RTN1: variants seen among roughly 807,000 people sequenced by gnomAD.
The protein encoded by RTN1 is reticulon 1, also known as reticulon-1.
In RTN1, 25 loss-of-function variants were observed where a neutral mutation model predicts 65.5. The ratio of observed to expected loss-of-function variants is 0.38; its 90% CI spans 0.28 to 0.53. The LOEUF (loss-of-function observed/expected upper bound fraction) is 0.53, where lower values mean the gene tolerates loss of function less well. RTN1 is among the 20% of genes least tolerant of loss of function. The pLI, the probability that RTN1 is intolerant of heterozygous loss-of-function variation, is 0.79. For missense variants in RTN1, 983 were observed against 1,025.4 expected, an observed-to-expected ratio of 0.96 and a Z score of 0.57; for synonymous variants, 471 against 447.6, an observed-to-expected ratio of 1.05 and a Z score of -0.66.
At position 59,836,699 on chromosome 14, in the gene RTN1, G is replaced by A. The variant is rs1028239278; in HGVS notation, c.241+33691C>T. On this transcript the variant is annotated intron_variant, in intron 1 of 8. Coordinates refer to ENST00000267484, the MANE Select transcript of RTN1 (RefSeq NM_021136.3). The surrounding 1 kb of genome is among the most constrained non-coding windows in gnomAD (Gnocchi z 4.9). ...GTTGGGGAGTAGTGAGAGAGAAGGC[G>A]GGAAACAGGGTCCTGAAGCCAGACT... Among the ~76,000 whole-genome samples the A allele has an allele frequency of 1.2e-4, 18 of 152,126 alleles. No individual in the cohort carries two copies. The highest frequency in any genetic ancestry group is 4.1e-4 in the African/African-American group (17 of 41,412).
intron 3 of RTN1, among the ~76,000 whole-genome samples, chr14:59,671,934 A>G (rs1261598270): frequency 2.6e-5 from 4 of 152,244 alleles, no homozygotes. Flanking sequence ...GCCTGATATT[A>G]TATTTCTGAC....
intron 3 of RTN1, among the ~76,000 whole-genome samples, chr14:59,712,850 A>C (rs1171859997): frequency 6.6e-6 from 1 of 151,094 alleles, no homozygotes; most frequent in Admixed American, 6.6e-5. Flanking sequence ...GGTGGAGGTT[A>C]CAGTGAGCTG....
At chr14:59,820,540 ACTTAAGT>A (rs975311862) in intron 1 of RTN1, among the ~76,000 whole-genome samples, 1 of 151,964 alleles carries the variant, frequency 6.6e-6, no homozygotes, top group Non-Finnish European at 1.5e-5. Flanking sequence ...TAGGTCTTAC[ACTTAAGT>A]CTTTAATTCA....
intron 3 of RTN1, among the ~76,000 whole-genome samples, chr14:59,635,341 G>T (rs1414522178): frequency 6.6e-6 from 1 of 152,094 alleles, no homozygotes; most frequent in African/African-American, 2.4e-5. Flanking sequence ...TAATCAATGA[G>T]AAAATTTACT....
intron 3 of RTN1, among the ~76,000 whole-genome samples, chr14:59,664,686 G>T (rs1453756931): frequency 6.6e-6 from 1 of 152,042 alleles, no homozygotes. Context: ...TCAACAGTTT[G>T]TTCCTTTTTA....
intron 1 of RTN1, among the ~76,000 whole-genome samples, chr14:59,828,598 A>T (rs1423551661): frequency 3.9e-5 from 6 of 152,202 alleles, no homozygotes; most frequent in Admixed American, 1.3e-4. Flanking sequence ...CCCCAAAACC[A>T]GATGTCAGTG....
rs113341432 is a variant in RTN1 at position 59,685,792 on chromosome 14, T to C, written c.1765+41127A>G. ...ATCCCTGTCAAAATACCAATGACCT[T>C]CTTCAAAGAAATAGAAAAAACAAAC... On this transcript the variant is annotated intron_variant, in intron 3 of 8. Transcript: ENST00000267484. Among the ~76,000 whole-genome samples the C allele has an allele frequency of 4.1e-3, 625 of 152,302 alleles. 4 individuals carry two copies. Among genetic ancestry groups the C allele is most frequent in the African/African-American group, 0.015 (607 of 41,570 alleles).
At chr14:59,635,015 T>C (rs1882632887) in intron 3 of RTN1, among the ~76,000 whole-genome samples, 1 of 152,198 alleles carries the variant, frequency 6.6e-6, no homozygotes, top group South Asian at 2.1e-4. Context: ...GAATAATTTA[T>C]CCAAATTTGC....
chr14:59,714,230 T>G (rs1884484835), intron 3 of RTN1, among the ~76,000 whole-genome samples: 1 of 144,484 alleles, frequency 6.9e-6, no homozygotes, highest in African/African-American at 2.5e-5. Context: ...TGAGACTCCG[T>G]CTAAAAAAAA....
Position 59,746,189 on chromosome 14 carries a change from C to A in RTN1, c.534G>T (p.Val178=). Residue 178 remains valine, a synonymous_variant, in exon 2 of 9, where the codon GTG becomes GTT. Coordinates refer to ENST00000267484, the MANE Select transcript of RTN1 (RefSeq NM_021136.3). ...IEMTPAESTE[V]NKILADPLDQ... ...CCAGAGGGTCTGCTAAGATCTTGTT[C>A]ACTTCCGTGGACTCTGCAGGAGTCA... 6.2e-7 allele frequency: 1 copy of A among 1,609,026 alleles called. No homozygotes were observed. The highest frequency in any genetic ancestry group is 1.1e-5 in the South Asian group (1 of 90,054).
chr14:59,768,507 C>G (rs1247202073), intron 1 of RTN1, among the ~76,000 whole-genome samples: 1 of 152,112 alleles, frequency 6.6e-6, no homozygotes, highest in African/African-American at 2.4e-5. Context: ...CATCCTGGCT[C>G]TTGATCTGGT....
At chr14:59,809,104 C>T (rs1462053376) in intron 1 of RTN1, among the ~76,000 whole-genome samples, 2 of 152,098 alleles carry the variant, frequency 1.3e-5, no homozygotes, top group Non-Finnish European at 2.9e-5. Flanking sequence ...TTTGATAAGG[C>T]TTATCACTAG....
chr14:59,801,246 C>T lies in RTN1; in HGVS notation c.242-54765G>A, dbSNP rs531510054. On this transcript the variant is annotated intron_variant, in intron 1 of 8. Coordinates refer to ENST00000267484, the MANE Select transcript of RTN1 (RefSeq NM_021136.3). ...GACAAAAAATCACTGATTCAAGAAC[C>T]CTAGGAGACTCCAAGCAGGTAAAAC... Among the ~76,000 whole-genome samples, 16 of 152,068 alleles carry T rather than the reference C, an allele frequency of 1.1e-4. No individual in the cohort carries two copies. The South Asian group carries it at 2.7e-3, about 26-fold the overall frequency.
chr14:59,611,178 A>T (rs1031108509), intron 3 of RTN1, among the ~76,000 whole-genome samples: 5 of 152,236 alleles, frequency 3.3e-5, no homozygotes, highest in African/African-American at 1.2e-4. Flanking sequence ...GGCAGTGGGC[A>T]ATGTGAACCC....
chr14:59,794,223 G>C lies in RTN1; in HGVS notation c.242-47742C>G, dbSNP rs1460079941. 6.6e-6 allele frequency among the ~76,000 whole-genome samples: 1 copy of C among 152,162 alleles called. No individual in the cohort carries two copies. Among genetic ancestry groups the C allele is most frequent in the African/African-American group, 2.4e-5 (1 of 41,436 alleles). On this transcript the variant is annotated intron_variant, in intron 1 of 8. Transcript: ENST00000267484. This position sits in a 1 kb window ranked among gnomAD's most constrained non-coding sequence, Gnocchi z 5.1. ...AGACATGTGACTTAAAATTGTTCCA[G>C]TTGAAATTAAACCCTCTTTAATCAC...
intron 3 of RTN1, among the ~76,000 whole-genome samples, chr14:59,693,236 G>A (rs1883996808): frequency 6.6e-6 from 1 of 152,194 alleles, no homozygotes; most frequent in Non-Finnish European, 1.5e-5. Context: ...GACAGTATTG[G>A]TTAAAAACAA....
chr14:59,747,686 T>A (rs543254411), intron 1 of RTN1, among the ~76,000 whole-genome samples: 36 of 152,310 alleles, frequency 2.4e-4, no homozygotes, highest in Non-Finnish European at 4.9e-4. Context: ...CCAGAAGGTA[T>A]GAAAACCAAC....
chr14:59,819,895 A>G (rs1322061460), intron 1 of RTN1, among the ~76,000 whole-genome samples: 1 of 152,082 alleles, frequency 6.6e-6, no homozygotes, highest in Non-Finnish European at 1.5e-5. Context: ...GCCCACCCAG[A>G]ACTCAGCCCT....
At chr14:59,795,422 C>T (rs186919704) in intron 1 of RTN1, among the ~76,000 whole-genome samples, 28 of 152,086 alleles carry the variant, frequency 1.8e-4, no homozygotes, top group East Asian at 3.9e-4. Context: ...CTAACTGGGC[C>T]GGGTGCAGTG....
Sources: gnomAD v4.1 joint callset for allele counts (sites outside exome capture counted in the v4.1 genomes callset) on GRCh38, gnomAD v4.1.1 for gene constraint, Gnocchi (gnomAD v3.1) non-coding constraint, MANE v1.5 for transcripts, NCBI Gene and HGNC (gene_info 2026-07-23, HGNC 2026-07-21) for gene names.